The following GTF3C4 variants were observed in gnomAD, a reference collection of about 807,000 sequenced individuals.
GTF3C4 encodes the protein general transcription factor 3C polypeptide 4.
In GTF3C4, 28 loss-of-function variants were observed where a neutral mutation model predicts 67.5. That is an observed-to-expected ratio of 0.41 (90% CI 0.31 to 0.57). GTF3C4 has a LOEUF of 0.57. Among genes scored for constraint, GTF3C4 ranks in the 20% least tolerant of loss-of-function variants. The probability of loss-of-function intolerance (pLI) is 0.21; values close to 1 mark genes in which losing one functional copy is unlikely to be tolerated. For missense variants in GTF3C4, 831 were observed against 1,033.2 expected, an observed-to-expected ratio of 0.80 and a Z score of 2.68; for synonymous variants, 409 against 393.0, an observed-to-expected ratio of 1.04 and a Z score of -0.48.
Position 132,687,313 on chromosome 9 carries a change from A to C in GTF3C4, c.2390A>C (p.His797Pro). ...RCLLHDSIARHPAPEDPDWIK... is the reference protein window; with the variant it reads ...RCLLHDSIARPPAPEDPDWIK... ...TTGCTCCATGACAGCATTGCCCGGC[A>C]TCCAGCTCCAGAAGGTGAGTGCTTT... The change falls in exon 4 of 5, where the codon CAT (histidine) becomes CCT (proline). Residue 797 changes from histidine (H) to proline (P), a missense_variant. Around this residue, in one of 4 missense-constraint regions of GTF3C4, gnomAD observed 129 missense variants for 213.8 expected, o/e 0.60. Coordinates refer to ENST00000372146, the MANE Select transcript of GTF3C4 (RefSeq NM_012204.4). The C allele has an allele frequency of 8.9e-7, 1 of 1,127,438 alleles. No individual in the cohort carries two copies. The highest frequency in any genetic ancestry group is 2.4e-4 in the Middle Eastern group (1 of 4,248). The allele number at this position is 1,127,438 out of a possible 1,614,324, so 69.8% of individuals were successfully genotyped here. A position where few individuals can be genotyped will look rare whatever the true frequency, so the allele number is the denominator to read the frequency against.
chr9:132,682,593 ATC>A (rs1564357118), intron 2 of GTF3C4, among the ~76,000 whole-genome samples: 2 of 124,378 alleles, frequency 1.6e-5, no homozygotes, highest in East Asian at 2.3e-4. Context: ...AAACAGTATA[ATC>A]TTTTTTTTTT....
Position 132,678,250 on chromosome 9 carries a change from A to G in GTF3C4, c.631A>G (p.Ile211Val), listed in dbSNP as rs1380072606. Residue 211 changes from isoleucine (I) to valine (V), a missense_variant, in exon 2 of 5, where the codon ATC (isoleucine) becomes GTC (valine). Physicochemically the swap from Ile to Val is conservative, Grantham distance 29 (BLOSUM62 3). Around this residue, in one of 4 missense-constraint regions of GTF3C4, gnomAD observed 390 missense variants for 540.3 expected, o/e 0.72. Transcript: ENST00000372146. This position sits in a 1 kb window ranked among gnomAD's most constrained non-coding sequence, Gnocchi z 6.5. ...GGTCCAGCTGGTTGACCTGACTGAG[A>G]TCTATGGAGAACGTCTTTATGAGAC... ...QWVQLVDLTE[I>V]YGERLYETSY... is the part of the protein sequence containing the mutation. 1 of 1,614,170 alleles carries G rather than the reference A, an allele frequency of 6.2e-7. No individual in the cohort carries two copies. Among genetic ancestry groups the G allele is most frequent in the Non-Finnish European group, 8.5e-7 (1 of 1,180,032 alleles).
intron 3 of GTF3C4, among the ~76,000 whole-genome samples, chr9:132,684,986 T>TACCC (rs998274479): frequency 1.7e-4 from 26 of 152,018 alleles, no homozygotes; most frequent in Non-Finnish European, 2.9e-5. Flanking sequence ...GAACAATGCC[T>TACCC]AGTACATGGT....
intron 2 of GTF3C4, among the ~76,000 whole-genome samples, chr9:132,681,495 G>C (rs1041393529): frequency 6.6e-6 from 1 of 152,048 alleles, no homozygotes; most frequent in Non-Finnish European, 1.5e-5. Context: ...AAATTATTTT[G>C]GAGATTATCA....
chr9:132,678,436 A>T lies in GTF3C4; in HGVS notation c.817A>T (p.Ser273Cys), dbSNP rs756979020. The T allele has an allele frequency of 1.9e-6, 3 of 1,614,218 alleles. No individual in the cohort carries two copies. Among genetic ancestry groups the T allele is most frequent in the Non-Finnish European group, 2.5e-6 (3 of 1,180,040 alleles). ...KHNNECRDVG[S>C]VLLAVLFENG... ...TAACAACGAATGCCGGGACGTTGGC[A>T]GTGTGCTCCTGGCTGTCCTCTTTGA... is the stretch of plus-strand genomic sequence containing the variant. The change falls in exon 2 of 5, where the codon AGT (serine) becomes TGT (cysteine). Residue 273 changes from serine to cysteine, a missense_variant. By Grantham distance (112) the Ser-to-Cys change is moderately radical (BLOSUM62 -1). Transcript: ENST00000372146. The surrounding 1 kb of genome is among the most constrained non-coding windows in gnomAD (Gnocchi z 6.5).
Position 132,693,874 on chromosome 9 carries a change from T to C in GTF3C4, c.*4929T>C, listed in dbSNP as rs1391344958. The stretch of plus-strand genomic sequence containing the variant: ...GATGTATGAAAGTGAATATCAAACT[T>C]GTTTATAGAAAAGACTATATAGAAA... On this transcript the variant is annotated 3_prime_UTR_variant, in exon 5 of 5. Coordinates refer to ENST00000372146, the MANE Select transcript of GTF3C4 (RefSeq NM_012204.4). The C allele has an allele frequency of 1.3e-5, 2 of 152,326 alleles. No individual in the cohort carries two copies. Among genetic ancestry groups the C allele is most frequent in the East Asian group, 3.9e-4 (2 of 5,192 alleles). The allele number at this position is 152,326 out of a possible 1,614,324, so 9.4% of individuals were successfully genotyped here.
In GTF3C4 at chr9:132,689,155, C is replaced by CA; in HGVS notation, c.*211dup. On this transcript the variant is annotated 3_prime_UTR_variant, in exon 5 of 5. Transcript: ENST00000372146. ...GGATGTCCTTTGAAATGGCTGGACT[C>CA]AGAGAGTTGGAGTCGTTTTGAGATG... 1 of 558,654 alleles carries CA rather than the reference C, an allele frequency of 1.8e-6. No individual in the cohort carries two copies. The highest frequency in any genetic ancestry group is 3.2e-6 in the Non-Finnish European group (1 of 310,898). 34.6% of individuals were successfully genotyped at this position (558,654 alleles called of 1,614,324 possible).
Position 132,693,983 on chromosome 9 carries a change from A to G in GTF3C4, c.*5038A>G, listed in dbSNP as rs1431924280. On this transcript the variant is annotated 3_prime_UTR_variant, in exon 5 of 5. Transcript: ENST00000372146. ...AATCTTGTGCTTGGCTTTGAATTAT[A>G]TATGTGTTTACCTATGACTTTTTTT... 6.6e-6 allele frequency: 1 copy of G among 152,182 alleles called. No individual in the cohort carries two copies. The highest frequency in any genetic ancestry group is 1.5e-5 in the Non-Finnish European group (1 of 68,034). The allele number at this position is 152,182 out of a possible 1,614,324, so 9.4% of individuals were successfully genotyped here.
chr9:132,682,595 CTTTTTTTTTTTT>C (rs34962674), intron 2 of GTF3C4, among the ~76,000 whole-genome samples: 3 of 92,574 alleles, frequency 3.2e-5, no homozygotes, highest in Non-Finnish European at 5.9e-5. Flanking sequence ...ACAGTATAAT[CTTTTTTTTTTTT>C]TTTTTTTTTT....
chr9:132,670,254 C>G, upstream of GTF3C4: 3 of 1,523,596 alleles, frequency 2.0e-6, no homozygotes, highest in Non-Finnish European at 1.8e-6. Context: ...CGCCATCTCA[C>G]CGACGAGCCT....
At chr9:132,672,994 C>T (rs1835808077) in intron 1 of GTF3C4, among the ~76,000 whole-genome samples, 1 of 152,082 alleles carries the variant, frequency 6.6e-6, no homozygotes, top group South Asian at 2.1e-4. Context: ...ACCATCCTGG[C>T]TAACACAGTG....
intron 2 of GTF3C4, among the ~76,000 whole-genome samples, chr9:132,683,262 A>G (rs1299986567): frequency 6.6e-6 from 1 of 152,358 alleles, no homozygotes; most frequent in South Asian, 2.1e-4. Flanking sequence ...AAACAAGGCA[A>G]GTAATAAGAT....
At chr9:132,673,182 C>G (rs1835812988) in intron 1 of GTF3C4, among the ~76,000 whole-genome samples, 1 of 149,694 alleles carries the variant, frequency 6.7e-6, no homozygotes, top group Non-Finnish European at 1.5e-5. Context: ...GACTCCGTCT[C>G]AAAAAAAAAG....
intron 2 of GTF3C4, among the ~76,000 whole-genome samples, chr9:132,680,967 G>C (rs957022034): frequency 6.6e-6 from 1 of 152,214 alleles, no homozygotes. Flanking sequence ...AATTAGCCGG[G>C]TGTGGTGGCG....
At chr9:132,680,389 T>TA (rs962384813) in intron 2 of GTF3C4, among the ~76,000 whole-genome samples, 5 of 152,326 alleles carry the variant, frequency 3.3e-5, no homozygotes, top group Admixed American at 3.3e-4. Context: ...CAGTGCATAT[T>TA]ACCACTCAAA....
intron 4 of GTF3C4, 37 bp from the exon 5 acceptor site, chr9:132,688,844 A>C: frequency 6.6e-7 from 1 of 1,508,606 alleles, no homozygotes; most frequent in Non-Finnish European, 9.2e-7. Flanking sequence ...GTCTTTTCCG[A>C]AGCTAACAGT....
chr9:132,685,979 A>G (rs1349465950), intron 3 of GTF3C4, among the ~76,000 whole-genome samples: 1 of 152,274 alleles, frequency 6.6e-6, no homozygotes, highest in Non-Finnish European at 1.5e-5. Context: ...AAGAAGAGAC[A>G]GGACACTAAC....
chr9:132,678,119 C>T lies in GTF3C4; in HGVS notation c.500C>T (p.Thr167Ile). The T allele has an allele frequency of 6.2e-7, 1 of 1,614,262 alleles. No individual in the cohort carries two copies. The highest frequency in any genetic ancestry group is 8.5e-7 in the Non-Finnish European group (1 of 1,180,044). ...ALPPMRGFKY[T>I]SWSPMGCDAN... ...CCACCAATGAGAGGATTCAAGTACACCAGCTGGTCTCCCATGGGTTGCGAT... is the reference window on the plus strand; with the variant it reads ...CCACCAATGAGAGGATTCAAGTACATCAGCTGGTCTCCCATGGGTTGCGAT... The change falls in exon 2 of 5, where the codon ACC (threonine) becomes ATC (isoleucine). Residue 167 changes from threonine to isoleucine, a missense_variant. Around this residue, in one of 4 missense-constraint regions of GTF3C4, gnomAD observed 390 missense variants for 540.3 expected, o/e 0.72. Transcript: ENST00000372146. This position sits in a 1 kb window ranked among gnomAD's most constrained non-coding sequence, Gnocchi z 6.5.
chr9:132,677,092 C>T (rs1835873892), intron 1 of GTF3C4, among the ~76,000 whole-genome samples: 2 of 152,094 alleles, frequency 1.3e-5, no homozygotes, highest in Admixed American at 6.5e-5. Flanking sequence ...TCTTTGATGT[C>T]CCTTTAAAAT....
Sources: gnomAD v4.1 joint callset for allele counts (sites outside exome capture counted in the v4.1 genomes callset) on GRCh38, gnomAD v4.1.1 for gene constraint, gnomAD v4.1.1 regional missense constraint, Gnocchi (gnomAD v3.1) non-coding constraint, MANE v1.5 for transcripts, NCBI Gene and HGNC (gene_info 2026-07-23, HGNC 2026-07-21) for gene names.